Variants in VTI1A observed in about 807,000 individuals in gnomAD.
VTI1A encodes the protein vesicle transport through interaction with t-SNAREs homolog 1A.
VTI1A carries 22 observed loss-of-function variants against 34.9 expected under a neutral mutation model. The ratio of observed to expected loss-of-function variants is 0.63; its 90% CI spans 0.45 to 0.90. The LOEUF is 0.90. VTI1A is among the 40% of genes least tolerant of loss of function. VTI1A has a pLI of 0.00. For missense variants in VTI1A, 268 were observed against 275.6 expected, an observed-to-expected ratio of 0.97 and a Z score of 0.20; for synonymous variants, 87 against 97.3, an observed-to-expected ratio of 0.89 and a Z score of 0.62.
chr10:112,804,879 G>A (rs1342100326), intron 7 of VTI1A, among the ~76,000 whole-genome samples: 23 of 60,208 alleles, frequency 3.8e-4, no homozygotes, highest in African/African-American at 2.2e-4. Context: ...TTTTTTTTTT[G>A]AGACAGAGTC....
chr10:112,545,801 G>A (rs886220205), intron 5 of VTI1A, among the ~76,000 whole-genome samples: 1 of 152,106 alleles, frequency 6.6e-6, no homozygotes. Flanking sequence ...CTGGATAAAT[G>A]TCATTTCATT....
At chr10:112,761,802 G>A (rs548126873) in intron 7 of VTI1A, among the ~76,000 whole-genome samples, 84 of 144,352 alleles carry the variant, frequency 5.8e-4, no homozygotes, top group Non-Finnish European at 1.1e-3. Context: ...GTGTGTGTAT[G>A]TATATGAATA....
chr10:112,621,838 T>C (rs886072144), intron 5 of VTI1A, among the ~76,000 whole-genome samples: 1 of 152,194 alleles, frequency 6.6e-6, no homozygotes, highest in Non-Finnish European at 1.5e-5. Flanking sequence ...AACATTATGC[T>C]TTTTTTGCAC....
chr10:112,531,825 C>G (rs1850455447), intron 4 of VTI1A, among the ~76,000 whole-genome samples: 1 of 152,090 alleles, frequency 6.6e-6, no homozygotes, highest in Admixed American at 6.5e-5. Flanking sequence ...GCCTTTTTCT[C>G]CCATGATGTT....
intron 5 of VTI1A, among the ~76,000 whole-genome samples, chr10:112,646,508 G>T (rs2133790769): frequency 6.6e-6 from 1 of 152,008 alleles, no homozygotes; most frequent in South Asian, 2.1e-4. Flanking sequence ...GAGCAAATCT[G>T]TGAAGAGTAC....
rs1469967603 is a variant in VTI1A, at chr10:112,817,273, G to A, written c.*1890G>A. On this transcript the variant is annotated 3_prime_UTR_variant, in exon 8 of 8. Coordinates refer to ENST00000393077, the MANE Select transcript of VTI1A (RefSeq NM_145206.4). ...CCAGTTACCAGCTGCACTTCGCACGGCCATCCCGTCCACAATGCAGCAGAC... is the reference window on the plus strand; with the variant it reads ...CCAGTTACCAGCTGCACTTCGCACGACCATCCCGTCCACAATGCAGCAGAC... The A allele has an allele frequency of 8.6e-6, 2 of 232,094 alleles. No individual in the cohort carries two copies. Among genetic ancestry groups the A allele is most frequent in the Middle Eastern group, 1.2e-3 (1 of 802 alleles). The allele number at this position is 232,094 out of a possible 1,614,324, so 14.4% of individuals were successfully genotyped here. A position where few individuals can be genotyped will look rare whatever the true frequency, so the allele number is the denominator to read the frequency against.
intron 7 of VTI1A, among the ~76,000 whole-genome samples, chr10:112,793,379 T>C (rs1852557786): frequency 6.6e-6 from 1 of 152,242 alleles, no homozygotes; most frequent in African/African-American, 2.4e-5. Flanking sequence ...CATCTGAGGC[T>C]GTATACTGGC....
At chr10:112,834,430 C>G in the VTI1A span, among the ~76,000 whole-genome samples, 1 of 152,204 alleles carries the variant, frequency 6.6e-6, no homozygotes, top group South Asian at 2.1e-4. Context: ...CCAATTCTGA[C>G]AGTCAGATGG....
chr10:112,508,801 C>T (rs1003774636), intron 3 of VTI1A, among the ~76,000 whole-genome samples: 4 of 152,144 alleles, frequency 2.6e-5, no homozygotes, highest in South Asian at 2.1e-4. Context: ...ATAAAATATA[C>T]AAGTACTTTC....
chr10:112,755,260 A>AAAAGAAAG (rs143000248), intron 7 of VTI1A, among the ~76,000 whole-genome samples: 16 of 151,594 alleles, frequency 1.1e-4, no homozygotes, highest in South Asian at 8.4e-4. Context: ...TCTCAAAAAA[A>AAAAGAAAG]AAAGAAAGAA....
chr10:112,758,293 T>C (rs953988956), intron 7 of VTI1A, among the ~76,000 whole-genome samples: 2 of 152,072 alleles, frequency 1.3e-5, no homozygotes. Context: ...TCTCATCATC[T>C]CTAAGGAGTA....
chr10:112,709,271 G>A (rs191417218), intron 7 of VTI1A, among the ~76,000 whole-genome samples: 1 of 152,278 alleles, frequency 6.6e-6, no homozygotes, highest in Admixed American at 6.5e-5. Flanking sequence ...TCAGAAAAGG[G>A]ACAGAAAGTT....
chr10:112,593,378 T>C (rs944781519), intron 5 of VTI1A, among the ~76,000 whole-genome samples: 2 of 152,142 alleles, frequency 1.3e-5, no homozygotes, highest in African/African-American at 2.4e-5. Flanking sequence ...GATTATGAAG[T>C]GAAGGCAGTG....
At chr10:112,649,971 C>T (rs1475194102) in intron 5 of VTI1A, among the ~76,000 whole-genome samples, 1 of 152,090 alleles carries the variant, frequency 6.6e-6, no homozygotes. Flanking sequence ...TTGTAAAGGG[C>T]GAGGATATCA....
At chr10:112,663,225 A>G (rs774919747) in intron 5 of VTI1A, among the ~76,000 whole-genome samples, 6 of 152,136 alleles carry the variant, frequency 3.9e-5, no homozygotes, top group Non-Finnish European at 7.4e-5. Context: ...ATCATCATTT[A>G]ATGTTTGACT....
chr10:112,754,047 G>A (rs992444350), intron 7 of VTI1A, among the ~76,000 whole-genome samples: 4 of 152,164 alleles, frequency 2.6e-5, no homozygotes, highest in Non-Finnish European at 4.4e-5. Context: ...AAGTTGGACC[G>A]CGAGAGAAAA....
rs901421608 is a variant in VTI1A at position 112,754,139 on chromosome 10, G to A, written c.561-61151G>A. Among the ~76,000 whole-genome samples, 5 of 152,190 alleles carry A rather than the reference G, an allele frequency of 3.3e-5. No individual in the cohort carries two copies. The East Asian group carries it at 5.8e-4, about 18-fold the overall frequency. ...AAAATGTTAAGCCCAAAGCAAGCAC[G>A]TAGAGGTTCCTTAGAAGGTACACCC... On this transcript the variant is annotated intron_variant, in intron 7 of 7. Coordinates refer to ENST00000393077, the MANE Select transcript of VTI1A (RefSeq NM_145206.4).
chr10:112,557,648 T>TTA (rs1388918784), intron 5 of VTI1A, among the ~76,000 whole-genome samples: 9 of 151,940 alleles, frequency 5.9e-5, no homozygotes, highest in Non-Finnish European at 8.8e-5. Flanking sequence ...GAGGAACAAA[T>TTA]TATATATATA....
chr10:112,827,672 T>TA, the VTI1A span: 1 of 152,242 alleles, frequency 6.6e-6, no homozygotes, highest in Non-Finnish European at 1.5e-5. Context: ...TTGATTGTTG[T>TA]TTCCTGGAAT....
Sources: allele counts gnomAD v4.1 joint callset (sites outside exome capture counted in the v4.1 genomes callset), GRCh38; gene constraint gnomAD v4.1.1; transcripts MANE v1.5; gene names NCBI Gene and HGNC (gene_info 2026-07-23, HGNC 2026-07-21).